CDON: variants seen among roughly 807,000 people sequenced by gnomAD.
The protein encoded by CDON is cell adhesion associated, oncogene regulated.
Under a neutral mutation model 120.9 loss-of-function variants are expected in CDON, and 73 were observed. That is an observed-to-expected ratio of 0.60 (90% CI 0.50 to 0.73). CDON has a LOEUF of 0.73. CDON is among the 30% of genes least tolerant of loss of function. CDON has a pLI of 0.00. For synonymous variants in CDON, 566 were observed against 573.5 expected (o/e 0.99, Z 0.19); for missense variants, 1,470 against 1,587.3 (o/e 0.93, Z 1.26).
intron 19 of CDON, 160 bp downstream of exon 19, chr11:125,961,564 G>T: frequency 2.4e-6 from 2 of 829,272 alleles, no homozygotes; most frequent in Non-Finnish European, 3.7e-6. Context: ...TTTATCTTGA[G>T]TCCTATCTTT....
intron 8 of CDON, among the ~76,000 whole-genome samples, chr11:126,006,627 C>A (rs111752824): frequency 6.6e-5 from 10 of 152,330 alleles, no homozygotes; most frequent in African/African-American, 2.4e-4. Context: ...CATGATCGTG[C>A]CACTGCACTC....
At chr11:125,962,788 C>T (rs1365826426) in intron 18 of CDON, among the ~76,000 whole-genome samples, 9 of 152,108 alleles carry the variant, frequency 5.9e-5, no homozygotes, top group Non-Finnish European at 1.5e-5. Context: ...TCTGGAATTT[C>T]CATTTGGTCT....
intron 1 of CDON, among the ~76,000 whole-genome samples, chr11:126,059,932 T>TAA (rs945960328): frequency 7.1e-6 from 1 of 141,140 alleles, no homozygotes. Flanking sequence ...CTTGAAGGAT[T>TAA]AAAAAAAAAA....
intron 18 of CDON, among the ~76,000 whole-genome samples, chr11:125,967,699 C>T (rs1013091098): frequency 2.0e-5 from 3 of 152,124 alleles, no homozygotes; most frequent in Non-Finnish European, 4.4e-5. Flanking sequence ...AGGCTGGGTA[C>T]GATCATGGCT....
rs772851258 is a variant in CDON, at chr11:126,017,203, C to G, written c.813G>C (p.Leu271Phe). The G allele has an allele frequency of 2.5e-6, 4 of 1,614,066 alleles. No homozygotes were observed. In the Admixed American group the frequency reaches 5.0e-5, roughly 20 times the overall value. The part of the protein sequence containing the change: ...DIAPGSNWRR[L>F]YSHLATDSVD... Reference sequence around the variant, plus strand: ...CGCTATCAGTGGCAAGATGAGAATACAACCTTCTCCAGTTGCTTCCTGGTG... The same window carrying G: ...CGCTATCAGTGGCAAGATGAGAATAGAACCTTCTCCAGTTGCTTCCTGGTG... Residue 271 changes from leucine to phenylalanine, a missense_variant, in exon 6 of 20, where the codon TTG becomes TTC. Leu to Phe is a conservative substitution (Grantham distance 22). Coordinates refer to ENST00000531738, the MANE Select transcript of CDON (RefSeq NM_001378964.1).
At chr11:126,040,553 C>T (rs1030584047) in intron 1 of CDON, among the ~76,000 whole-genome samples, 9 of 152,096 alleles carry the variant, frequency 5.9e-5, no homozygotes, top group Admixed American at 1.3e-4. Context: ...CGGTGGCTCA[C>T]GCCTATAATC....
chr11:126,018,465 A>G lies in CDON; in HGVS notation c.505T>C (p.Leu169=). 2 of 1,613,828 alleles carry G rather than the reference A, an allele frequency of 1.2e-6. No homozygotes were observed. Among genetic ancestry groups the G allele is most frequent in the Non-Finnish European group, 1.7e-6 (2 of 1,179,722 alleles). The part of the protein sequence containing the change: ...KWLEHSTENY[L]ILPSGNLQIL... ...TGAAGATTTCCTGATGGAAGGATTA[A>G]GTAATTCTCTGAGGAAGGAAGGGAG... Residue 169 remains leucine, a synonymous_variant, in exon 5 of 20, where the codon TTA becomes CTA. Transcript: ENST00000531738.
rs780528095 is a variant in CDON at position 125,961,882 on chromosome 11, G to C, written c.3473C>G (p.Pro1158Arg). 1.2e-6 allele frequency: 2 copies of C among 1,614,184 alleles called. No individual in the cohort carries two copies. The highest frequency in any genetic ancestry group is 4.5e-5 in the East Asian group (2 of 44,880). ...AGGGACTGCGGAAGTCAGGCATACA[G>C]GCACCTTCACGTGACTGAGGGGCTT... The part of the protein sequence containing the change: ...EMKPLSHVKV[P>R]VCLTSAVPDC... The change falls in exon 19 of 20, where the codon CCT (proline) becomes CGT (arginine). Residue 1158 changes from proline to arginine, a missense_variant. Physicochemically the swap from Pro to Arg is moderately radical, Grantham distance 103. Transcript: ENST00000531738.
intron 1 of CDON, among the ~76,000 whole-genome samples, chr11:126,059,651 G>A (rs567053340): frequency 6.0e-4 from 91 of 152,200 alleles, no homozygotes; most frequent in Non-Finnish European, 8.5e-4. Context: ...CATAGCCCCC[G>A]CTGGGGTAAG....
rs12280429 is a variant in CDON at position 126,027,718 on chromosome 11, A to G, written c.-61-4181T>C. 8.2e-3 allele frequency among the ~76,000 whole-genome samples: 1,255 copies of G among 152,274 alleles called. 21 individuals are homozygous for G. Among genetic ancestry groups the G allele is most frequent in the African/African-American group, 0.026 (1,067 of 41,554 alleles). On this transcript the variant is annotated intron_variant, in intron 1 of 19. Coordinates refer to ENST00000531738, the MANE Select transcript of CDON (RefSeq NM_001378964.1). Reference sequence around the variant, plus strand: ...GGAGACAATAACCCTAATTTCCTCTACATAGTTGTTATCCCATCCTCCTTA... The same window carrying G: ...GGAGACAATAACCCTAATTTCCTCTGCATAGTTGTTATCCCATCCTCCTTA...
chr11:125,992,656 G>A (rs1309628401), intron 14 of CDON, among the ~76,000 whole-genome samples: 2 of 152,176 alleles, frequency 1.3e-5, no homozygotes, highest in Non-Finnish European at 2.9e-5. Context: ...TATGTGCTGA[G>A]CATTAAAAAT....
chr11:125,978,817 T>C (rs932242596), intron 17 of CDON, among the ~76,000 whole-genome samples: 1 of 151,798 alleles, frequency 6.6e-6, no homozygotes, highest in Admixed American at 6.6e-5. Context: ...GTGTAGATGA[T>C]GTCACATGAT....
chr11:126,015,551 T>G (rs563589610), intron 6 of CDON, 41 bp from the exon 7 acceptor site: 2 of 1,600,796 alleles, frequency 1.2e-6, no homozygotes, highest in Non-Finnish European at 8.6e-7. Context: ...GCCCTCAAAA[T>G]GTACTTCTTA....
chr11:126,005,799 C>A lies in CDON; in HGVS notation c.1811G>T (p.Gly604Val), dbSNP rs765585405. 3.1e-6 allele frequency: 5 copies of A among 1,613,900 alleles called. No homozygotes were observed. The Admixed American group carries it at 8.3e-5, about 27-fold the overall frequency. ...YNLVWRAGKD[G>V]GLPINAYFVK... ...AAAGTAAGCATTGATGGGCAGCCCACCATCCTTGCCTGCCCTCCACACCAG... is the reference window on the plus strand; with the variant it reads ...AAAGTAAGCATTGATGGGCAGCCCAACATCCTTGCCTGCCCTCCACACCAG... The change falls in exon 9 of 20, where the codon GGT (glycine) becomes GTT (valine). Residue 604 changes from glycine to valine, a missense_variant. Physicochemically the swap from Gly to Val is moderately radical, Grantham distance 109 (BLOSUM62 -3). Transcript: ENST00000531738.
chr11:126,048,976 T>TACAGGCGTGAGCCA (rs144453096), intron 1 of CDON, among the ~76,000 whole-genome samples: 257 of 152,118 alleles, frequency 1.7e-3, no homozygotes, highest in African/African-American at 5.4e-3. Context: ...ATGCTGGGAT[T>TACAGGCGTGAGCCA]ACAGGCGTGA....
At chr11:125,996,201 CACACAA>C (rs1366712486) in intron 12 of CDON, among the ~76,000 whole-genome samples, 1 of 129,024 alleles carries the variant, frequency 7.8e-6, no homozygotes, top group Non-Finnish European at 1.7e-5. Context: ...CACACACACA[CACACAA>C]AGATGTACAC....
At position 125,971,410 on chromosome 11, in the gene CDON, A is replaced by ATTAAT. The variant is rs1347556572; in HGVS notation, c.3356+6893_3356+6894insATTAA. On this transcript the variant is annotated intron_variant, in intron 18 of 19. Coordinates refer to ENST00000531738, the MANE Select transcript of CDON (RefSeq NM_001378964.1). ...AATAAATAAATAAATAAATAAATAA[A>ATTAAT]TAATAATAATTAATGTTCTCATATT... Among the ~76,000 whole-genome samples the ATTAAT allele has an allele frequency of 1.9e-3, 287 of 150,850 alleles. 3 individuals carry two copies. Among genetic ancestry groups the ATTAAT allele is most frequent in the African/African-American group, 6.7e-3 (273 of 40,752 alleles).
At position 126,001,719 on chromosome 11, in the gene CDON, C is replaced by G. The variant is rs772960620; in HGVS notation, c.2158G>C (p.Val720Leu). 14 of 1,612,892 alleles carry G rather than the reference C, an allele frequency of 8.7e-6. No homozygotes were observed. The highest frequency in any genetic ancestry group is 1.2e-5 in the Non-Finnish European group (14 of 1,179,066). Residue 720 changes from valine (V) to leucine (L), a missense_variant and splice_region_variant, in exon 11 of 20, where the codon GTT becomes CTT. By Grantham distance (32) the Val-to-Leu change is conservative. Transcript: ENST00000531738. ...AACAATAAAATATTCTTCTTTTTAC[C>G]TCCACTGTGCCTAGAGGAATCTGTA... The part of the protein sequence containing the change: ...VLTDSSRHSG[V>L]PEAPDRPTIS...
intron 18 of CDON, among the ~76,000 whole-genome samples, chr11:125,962,931 C>T (rs1298636110): frequency 2.0e-5 from 3 of 152,136 alleles, no homozygotes; most frequent in Non-Finnish European, 4.4e-5. Flanking sequence ...ACATCTGGGT[C>T]CATCTCAGAG....
Sources: allele counts gnomAD v4.1 joint callset (sites outside exome capture counted in the v4.1 genomes callset), GRCh38; gene constraint gnomAD v4.1.1; transcripts MANE v1.5; gene names NCBI Gene and HGNC (gene_info 2026-07-23, HGNC 2026-07-21).